Variants in LRRFIP1 observed in about 807,000 individuals in gnomAD.
LRRFIP1 encodes leucine-rich repeat flightless-interacting protein 1.
A neutral mutation model predicts 104.4 loss-of-function variants in LRRFIP1; 62 were observed. The observed-to-expected ratio is 0.59, with a 90% CI of 0.48 to 0.73. The LOEUF (loss-of-function observed/expected upper bound fraction) is 0.73. Among genes scored for constraint, LRRFIP1 ranks in the 30% least tolerant of loss-of-function variants. The pLI is 0.00. For synonymous variants in LRRFIP1, 300 were observed against 299.0 expected, an observed-to-expected ratio of 1.00 and a Z score of -0.03; for missense variants, 796 against 824.5, an observed-to-expected ratio of 0.97 and a Z score of 0.42.
Position 237,739,281 on chromosome 2 carries a change from G to T in LRRFIP1, c.605G>T (p.Arg202Met). 1 of 1,563,300 alleles carries T rather than the reference G, an allele frequency of 6.4e-7. No homozygotes were observed. The highest frequency in any genetic ancestry group is 2.4e-5 in the East Asian group (1 of 42,002). Residue 202 changes from arginine (R) to methionine (M), a missense_variant, in exon 11 of 24, where the codon AGG becomes ATG. Coordinates refer to ENST00000308482, the MANE Select transcript of LRRFIP1 (RefSeq NM_001137550.2). ...HLNSSSRASS[R>M]ASSARASPVV... ...AACTCCAGCTCCCGCGCCTCCTCCAGGGCCAGCTCGGCCCGGGCCAGCCCT... is the reference window on the plus strand; with the variant it reads ...AACTCCAGCTCCCGCGCCTCCTCCATGGCCAGCTCGGCCCGGGCCAGCCCT...
At chr2:237,645,873 C>T (rs1326757934) in intron 1 of LRRFIP1, among the ~76,000 whole-genome samples, 1 of 151,562 alleles carries the variant, frequency 6.6e-6, no homozygotes, top group Non-Finnish European at 1.5e-5. Flanking sequence ...AACACTAAAT[C>T]TTTACAAAGC....
chr2:237,775,969 A>T (rs2061059661), intron 23 of LRRFIP1, among the ~76,000 whole-genome samples: 1 of 151,206 alleles, frequency 6.6e-6, no homozygotes, highest in Non-Finnish European at 1.5e-5. Flanking sequence ...ATTTTATTTT[A>T]TTTATTTATT....
chr2:237,727,108 A>G (rs760074724), intron 7 of LRRFIP1, among the ~76,000 whole-genome samples: 26 of 152,232 alleles, frequency 1.7e-4, no homozygotes, highest in Non-Finnish European at 2.9e-4. Flanking sequence ...CTGTAATCCC[A>G]GCACTTTGGG....
chr2:237,730,661 T>G (rs2150318934), intron 8 of LRRFIP1, among the ~76,000 whole-genome samples: 1 of 152,258 alleles, frequency 6.6e-6, no homozygotes, highest in South Asian at 2.1e-4. Flanking sequence ...CTCACACCTA[T>G]AAATCCCAGC....
intron 1 of LRRFIP1, among the ~76,000 whole-genome samples, chr2:237,693,174 A>G (rs2092932230): frequency 1.3e-5 from 2 of 152,250 alleles, no homozygotes; most frequent in South Asian, 2.1e-4. Flanking sequence ...ACACATTTTC[A>G]TGCAGCTTGT....
chr2:237,654,502 C>T (rs531188491), intron 1 of LRRFIP1, among the ~76,000 whole-genome samples: 4 of 151,772 alleles, frequency 2.6e-5, no homozygotes, highest in Admixed American at 6.5e-5. Context: ...ACAGTGATCC[C>T]ACTTCTGGGT....
chr2:237,776,074 C>T (rs1313911121), intron 23 of LRRFIP1, among the ~76,000 whole-genome samples: 1 of 152,130 alleles, frequency 6.6e-6, no homozygotes, highest in East Asian at 1.9e-4. Context: ...AAGCCTCCCA[C>T]CTCAGCCTCT....
chr2:237,691,253 G>A lies in LRRFIP1; in HGVS notation c.97-17291G>A, dbSNP rs1380532921. On this transcript the variant is annotated intron_variant, in intron 1 of 23. Coordinates refer to ENST00000308482, the MANE Select transcript of LRRFIP1 (RefSeq NM_001137550.2). This position sits in a 1 kb window ranked among gnomAD's most constrained non-coding sequence, Gnocchi z 5.4. ...CGTCATCCCGTCGCTTCTGCCCCCA[G>A]CCTGGCGAGGTCGGGAACCGTTTCC... Among the ~76,000 whole-genome samples the A allele has an allele frequency of 1.3e-5, 2 of 152,242 alleles. No homozygotes were observed. The highest frequency in any genetic ancestry group is 4.8e-5 in the African/African-American group (2 of 41,460).
chr2:237,749,535 C>A (rs1030996959), intron 13 of LRRFIP1, among the ~76,000 whole-genome samples: 2 of 152,180 alleles, frequency 1.3e-5, no homozygotes, highest in African/African-American at 2.4e-5. Flanking sequence ...CACTGACCCC[C>A]CAGCAGGGCG....
chr2:237,715,364 C>G (rs989434667), intron 3 of LRRFIP1, among the ~76,000 whole-genome samples: 4 of 152,140 alleles, frequency 2.6e-5, no homozygotes, highest in Non-Finnish European at 5.9e-5. Context: ...AGGTGCAAGG[C>G]CAGGCGGGGA....
intron 1 of LRRFIP1, among the ~76,000 whole-genome samples, chr2:237,667,852 A>G (rs1299909002): frequency 1.3e-5 from 2 of 151,646 alleles, no homozygotes. Flanking sequence ...AACACCATTC[A>G]CTCAGGCTCC....
chr2:237,673,087 A>C (rs1462948885), intron 1 of LRRFIP1, among the ~76,000 whole-genome samples: 2 of 152,230 alleles, frequency 1.3e-5, no homozygotes, highest in Non-Finnish European at 2.9e-5. Flanking sequence ...AGGTGAAATG[A>C]AACCCCCACA....
chr2:237,685,257 G>C (rs1048847654), intron 1 of LRRFIP1, among the ~76,000 whole-genome samples: 1 of 152,208 alleles, frequency 6.6e-6, no homozygotes, highest in African/African-American at 2.4e-5. Context: ...CATCAATTCT[G>C]TGGAACACAC....
intron 2 of LRRFIP1, chr2:237,708,841 C>G (rs1458662939): frequency 2.9e-6 from 2 of 691,690 alleles, no homozygotes; most frequent in East Asian, 5.8e-5. Flanking sequence ...CCTGCTGGCT[C>G]CTGAGAGGGG....
intron 1 of LRRFIP1, among the ~76,000 whole-genome samples, chr2:237,683,710 A>G (rs1292946463): frequency 6.6e-6 from 1 of 152,200 alleles, no homozygotes. Flanking sequence ...CTTTATGGAA[A>G]TTCATTTTCT....
chr2:237,641,429 A>G (rs6723786), intron 1 of LRRFIP1, among the ~76,000 whole-genome samples: 63,138 of 149,876 alleles, frequency 0.42, 13,868 homozygotes, highest in African/African-American at 0.54. Flanking sequence ...CCCAGGAGGT[A>G]GAGGTTGCAA....
chr2:237,737,848 G>T (rs1009336264), intron 10 of LRRFIP1, among the ~76,000 whole-genome samples: 1 of 152,170 alleles, frequency 6.6e-6, no homozygotes, highest in Non-Finnish European at 1.5e-5. Flanking sequence ...CTGAAACAAC[G>T]TCTTGCCCCT....
At chr2:237,764,849 C>T in intron 19 of LRRFIP1, 1 of 985,712 alleles carries the variant, frequency 1.0e-6, no homozygotes. Context: ...ATTTTAACTT[C>T]ACTTCATGCT....
chr2:237,710,762 C>A (rs969558680), intron 2 of LRRFIP1, among the ~76,000 whole-genome samples: 11 of 152,260 alleles, frequency 7.2e-5, no homozygotes, highest in African/African-American at 2.2e-4. Flanking sequence ...TGAATGGCCC[C>A]CTTTAAAAGC....
Sources: allele counts gnomAD v4.1 joint callset (sites outside exome capture counted in the v4.1 genomes callset), GRCh38; gene constraint gnomAD v4.1.1; non-coding constraint Gnocchi (gnomAD v3.1); transcripts MANE v1.5; gene names NCBI Gene and HGNC (gene_info 2026-07-23, HGNC 2026-07-21).